Variants in FRAS1 observed in about 807,000 individuals in gnomAD.
FRAS1 encodes extracellular matrix organizing protein FRAS1.
In FRAS1, 290 loss-of-function variants were observed where a neutral mutation model predicts 435.2. The observed-to-expected ratio is 0.67, with a 90% confidence interval of 0.61 to 0.73. The LOEUF (loss-of-function observed/expected upper bound fraction) is 0.73. FRAS1 is among the 30% of genes least tolerant of loss of function. The pLI is 0.00. For missense variants in FRAS1, 4,860 were observed against 5,001.5 expected, an observed-to-expected ratio of 0.97 and a Z score of 0.85; for synonymous variants, 1,800 against 1,851.0, an observed-to-expected ratio of 0.97 and a Z score of 0.71.
intron 6 of FRAS1, among the ~76,000 whole-genome samples, chr4:78,262,895 C>T (rs1359199009): frequency 1.7e-5 from 1 of 59,624 alleles, no homozygotes; most frequent in Non-Finnish European, 3.9e-5. Flanking sequence ...GCCTTGTGTG[C>T]CATACAGTTG....
At chr4:78,117,077 C>T (rs1331089816) in intron 2 of FRAS1, among the ~76,000 whole-genome samples, 1 of 152,174 alleles carries the variant, frequency 6.6e-6, no homozygotes, top group African/African-American at 2.4e-5. Flanking sequence ...TTTTATTTCT[C>T]CTTCACTTAT....
intron 11 of FRAS1, among the ~76,000 whole-genome samples, chr4:78,281,868 T>C (rs1001433640): frequency 4.6e-5 from 7 of 152,190 alleles, no homozygotes; most frequent in African/African-American, 1.7e-4. Flanking sequence ...CAATGTTATA[T>C]GGTTTCTTTC....
chr4:78,466,461 G>A (rs565702971), intron 50 of FRAS1, 26 bp downstream of exon 50: 12 of 1,559,026 alleles, frequency 7.7e-6, no homozygotes, highest in Non-Finnish European at 9.7e-6. Context: ...ACTGGAGGAG[G>A]TAGCCTAGCA....
At chr4:78,095,289 TATTAC>T (rs1307465787) in intron 2 of FRAS1, among the ~76,000 whole-genome samples, 20 of 152,354 alleles carry the variant, frequency 1.3e-4, no homozygotes, top group Admixed American at 1.3e-3. Context: ...CCAGATGGCC[TATTAC>T]ATTGACAGCT....
intron 2 of FRAS1, among the ~76,000 whole-genome samples, chr4:78,174,981 G>C (rs2110042170): frequency 6.6e-6 from 1 of 152,362 alleles, no homozygotes; most frequent in Middle Eastern, 3.4e-3. Context: ...AGGCATTACT[G>C]TATTCAGTAA....
At chr4:78,326,470 TAGTG>T (rs1163539758) in intron 18 of FRAS1, among the ~76,000 whole-genome samples, 3 of 152,058 alleles carry the variant, frequency 2.0e-5, no homozygotes, top group African/African-American at 4.8e-5. Flanking sequence ...TGGGGATAGA[TAGTG>T]AGTAAAGTTT....
At chr4:78,376,051 G>C (rs1731748381) in intron 26 of FRAS1, among the ~76,000 whole-genome samples, 172 bp downstream of exon 26, 1 of 152,170 alleles carries the variant, frequency 6.6e-6, no homozygotes, top group Non-Finnish European at 1.5e-5. Context: ...TGGAAAATTG[G>C]GAAATCGCAA....
chr4:78,108,512 C>T (rs1304654447), intron 2 of FRAS1, among the ~76,000 whole-genome samples: 8 of 96,102 alleles, frequency 8.3e-5, no homozygotes, highest in South Asian at 6.7e-4. Flanking sequence ...GGGTACATAA[C>T]GAAATGAAGG....
chr4:78,247,902 T>C (rs28493765), intron 4 of FRAS1, among the ~76,000 whole-genome samples: 90,937 of 151,852 alleles, frequency 0.6, 27,835 homozygotes, highest in Non-Finnish European at 0.68. Flanking sequence ...TTAGGATAGA[T>C]TCGGTGTGGC....
chr4:78,473,015 A>G (rs1263935096), intron 52 of FRAS1, among the ~76,000 whole-genome samples: 1 of 152,162 alleles, frequency 6.6e-6, no homozygotes, highest in African/African-American at 2.4e-5. Flanking sequence ...AGCTATTCTT[A>G]TTAGCACATA....
intron 9 of FRAS1, among the ~76,000 whole-genome samples, chr4:78,268,419 T>C (rs987007779): frequency 2.0e-5 from 3 of 152,184 alleles, no homozygotes; most frequent in Non-Finnish European, 4.4e-5. Context: ...TATTTCCCCT[T>C]AGATGCCTTT....
chr4:78,360,625 TA>T (rs1731039845), intron 20 of FRAS1, among the ~76,000 whole-genome samples: 1 of 152,188 alleles, frequency 6.6e-6, no homozygotes, highest in Admixed American at 6.5e-5. Context: ...ATGCTCTGTT[TA>T]GTGATGTAGA....
chr4:78,169,045 G>C (rs775275632), intron 2 of FRAS1, among the ~76,000 whole-genome samples: 39 of 152,084 alleles, frequency 2.6e-4, no homozygotes, highest in Non-Finnish European at 4.9e-4. Context: ...GCTGCATCCA[G>C]TACAAAGAGG....
intron 26 of FRAS1, among the ~76,000 whole-genome samples, chr4:78,377,772 T>C (rs1262668676): frequency 6.6e-6 from 1 of 152,162 alleles, no homozygotes; most frequent in Non-Finnish European, 1.5e-5. Flanking sequence ...ACTGTGGTTC[T>C]CAAAGCCAGC....
intron 10 of FRAS1, among the ~76,000 whole-genome samples, chr4:78,280,786 A>G (rs1472634887): frequency 1.3e-5 from 2 of 152,172 alleles, no homozygotes; most frequent in East Asian, 1.9e-4. Flanking sequence ...ATGAGGCTGT[A>G]GAGATGTTAT....
rs143872700 is a variant in FRAS1, at chr4:78,072,210, T to C, written c.108+6194T>C. ...GAGCAGAAAAAGATTTGAGAACTTC[T>C]GGTCTAATCTGTAGACCTTGTATAT... On this transcript the variant is annotated intron_variant, in intron 2 of 73. Coordinates refer to ENST00000512123, the MANE Select transcript of FRAS1 (RefSeq NM_025074.7). 1.7e-3 allele frequency: 259 copies of C among 152,318 alleles called. 2 individuals are homozygous for C. The highest frequency in any genetic ancestry group is 5.7e-3 in the African/African-American group (238 of 41,578). The allele number at this position is 152,318 out of a possible 1,614,324, so 9.4% of individuals were successfully genotyped here.
chr4:78,520,464 A>G (rs2109893461), intron 67 of FRAS1, among the ~76,000 whole-genome samples: 1 of 152,258 alleles, frequency 6.6e-6, no homozygotes. Flanking sequence ...TTGAAATTAC[A>G]GTCATCATTC....
intron 51 of FRAS1, among the ~76,000 whole-genome samples, chr4:78,471,257 G>A (rs945972268): frequency 1.3e-5 from 2 of 152,124 alleles, no homozygotes; most frequent in Non-Finnish European, 2.9e-5. Flanking sequence ...TCTTGCATTT[G>A]TGGGTGGTAT....
intron 9 of FRAS1, among the ~76,000 whole-genome samples, chr4:78,268,125 C>T (rs1431136350): frequency 6.6e-6 from 1 of 152,142 alleles, no homozygotes; most frequent in East Asian, 1.9e-4. Context: ...TTGTCTCCGT[C>T]TCTCTCACTG....
Sources: gnomAD v4.1 joint callset for allele counts (sites outside exome capture counted in the v4.1 genomes callset) on GRCh38, gnomAD v4.1.1 for gene constraint, MANE v1.5 for transcripts, NCBI Gene and HGNC (gene_info 2026-07-23, HGNC 2026-07-21) for gene names.